CNTN4: variants seen among roughly 807,000 people sequenced by gnomAD.
CNTN4 encodes contactin-4.
In CNTN4, 77 loss-of-function variants were observed where a neutral mutation model predicts 122.5. The ratio of observed to expected loss-of-function variants is 0.63; its 90% confidence interval spans 0.52 to 0.76. The LOEUF is 0.76. Ranked by LOEUF, CNTN4 falls within the 30% of genes least tolerant of loss-of-function variation. CNTN4 has a pLI of 0.00. For missense variants in CNTN4, 1,256 were observed against 1,259.1 expected, an observed-to-expected ratio of 1.00 and a Z score of 0.04; for synonymous variants, 512 against 447.0, an observed-to-expected ratio of 1.15 and a Z score of -1.83.
chr3:2,170,612 G>C (rs1235525598), intron 2 of CNTN4, among the ~76,000 whole-genome samples: 2 of 151,918 alleles, frequency 1.3e-5, no homozygotes, highest in Non-Finnish European at 2.9e-5. Flanking sequence ...TTTGTTTTTT[G>C]CTTAGAATAA....
chr3:2,539,468 A>T (rs1177285110), intron 3 of CNTN4, among the ~76,000 whole-genome samples: 2 of 152,028 alleles, frequency 1.3e-5, no homozygotes, highest in Non-Finnish European at 1.5e-5. Flanking sequence ...CAACTTAACT[A>T]TTTTTTCCTT....
At chr3:2,679,356 C>T (rs1413566583) in intron 4 of CNTN4, among the ~76,000 whole-genome samples, 4 of 151,972 alleles carry the variant, frequency 2.6e-5, no homozygotes, top group South Asian at 2.1e-4. Flanking sequence ...TGTGGCAGCT[C>T]GTACTGAATA....
intron 4 of CNTN4, among the ~76,000 whole-genome samples, chr3:2,634,182 G>A (rs1483568489): frequency 6.6e-6 from 1 of 152,136 alleles, no homozygotes; most frequent in East Asian, 1.9e-4. Context: ...AATGAAAAAT[G>A]TATTAGCTTA....
At chr3:2,829,087 G>A (rs968720686) in intron 7 of CNTN4, among the ~76,000 whole-genome samples, 12 of 152,116 alleles carry the variant, frequency 7.9e-5, no homozygotes, top group African/African-American at 2.7e-4. Context: ...TCTTGACTGT[G>A]TTCCTTTGAA....
chr3:2,863,685 G>T (rs2093694013), intron 7 of CNTN4, among the ~76,000 whole-genome samples: 1 of 151,924 alleles, frequency 6.6e-6, no homozygotes, highest in Admixed American at 6.6e-5. Context: ...GAGCTGTGGG[G>T]GTTAGATGGT....
intron 13 of CNTN4, among the ~76,000 whole-genome samples, chr3:2,975,517 G>A (rs1693339314): frequency 2.0e-5 from 3 of 152,176 alleles, no homozygotes; most frequent in Admixed American, 1.3e-4. Context: ...GCAGCCAACA[G>A]CACCCAATAG....
At chr3:2,313,333 A>G (rs764043707) in intron 2 of CNTN4, among the ~76,000 whole-genome samples, 1 of 152,158 alleles carries the variant, frequency 6.6e-6, no homozygotes, top group Middle Eastern at 3.4e-3. Context: ...TGCAAATTAT[A>G]TAAATTAACT....
intron 4 of CNTN4, among the ~76,000 whole-genome samples, chr3:2,644,572 C>A (rs536842526): frequency 6.6e-6 from 1 of 151,376 alleles, no homozygotes; most frequent in Non-Finnish European, 1.5e-5. Context: ...TTCCTTTTTT[C>A]TGCAAAATAC....
At chr3:2,799,558 G>A (rs532820299) in intron 6 of CNTN4, among the ~76,000 whole-genome samples, 38 of 152,102 alleles carry the variant, frequency 2.5e-4, no homozygotes, top group African/African-American at 8.7e-4. Flanking sequence ...TGCCTCCGGG[G>A]TTCAAGCGAT....
chr3:2,743,912 G>A (rs532856478), intron 5 of CNTN4, among the ~76,000 whole-genome samples: 50 of 152,230 alleles, frequency 3.3e-4, no homozygotes, highest in Non-Finnish European at 6.5e-4. Flanking sequence ...CCAGGTTCAA[G>A]TGGTCCTCCC....
At chr3:2,779,253 GTTTGT>G (rs1458203957) in intron 6 of CNTN4, among the ~76,000 whole-genome samples, 1 of 71,904 alleles carries the variant, frequency 1.4e-5, no homozygotes, top group East Asian at 5.0e-4. Context: ...TGTTTTGTTT[GTTTGT>G]TTGTTTGTTT....
intron 2 of CNTN4, among the ~76,000 whole-genome samples, chr3:2,269,611 A>T (rs1312247783): frequency 2.6e-5 from 4 of 152,228 alleles, no homozygotes; most frequent in Admixed American, 2.6e-4. Flanking sequence ...ATGGTTTGGG[A>T]GACCATGATA....
At chr3:2,509,291 G>A (rs148245353) in intron 3 of CNTN4, among the ~76,000 whole-genome samples, 12 of 152,094 alleles carry the variant, frequency 7.9e-5, no homozygotes, top group African/African-American at 2.7e-4. Context: ...ATAATAATGA[G>A]CCTGATAAAA....
At chr3:2,527,842 A>G (rs746310139) in intron 3 of CNTN4, among the ~76,000 whole-genome samples, 3 of 152,124 alleles carry the variant, frequency 2.0e-5, no homozygotes, top group Admixed American at 6.6e-5. Flanking sequence ...CCACAGTTGG[A>G]TACTTGATCC....
At chr3:2,520,588 T>C (rs1006262198) in intron 3 of CNTN4, among the ~76,000 whole-genome samples, 4 of 152,014 alleles carry the variant, frequency 2.6e-5, no homozygotes, top group Non-Finnish European at 5.9e-5. Context: ...TTTCCTTTTT[T>C]AAAAAAACTT....
chr3:2,431,772 T>C (rs1284169170), intron 3 of CNTN4, among the ~76,000 whole-genome samples: 2 of 152,122 alleles, frequency 1.3e-5, no homozygotes, highest in Non-Finnish European at 2.9e-5. Flanking sequence ...AATTAGAAAA[T>C]CTTACAGTTT....
chr3:2,488,041 C>A lies in CNTN4; in HGVS notation c.-88-83375C>A, dbSNP rs181667713. The stretch of plus-strand genomic sequence containing the variant: ...CTCTTTCCATTGGTGTGTACCTTAC[C>A]AATCAACACCCTCAAAGCAATTAAA... On this transcript the variant is annotated intron_variant, in intron 3 of 24. Transcript: ENST00000418658. 1.9e-3 allele frequency among the ~76,000 whole-genome samples: 291 copies of A among 152,264 alleles called. 1 individual carries two copies. The highest frequency in any genetic ancestry group is 6.7e-3 in the African/African-American group (280 of 41,548).
Position 3,034,797 on chromosome 3 carries a change from T to C in CNTN4, c.1942+7T>C, listed in dbSNP as rs1369143115. On this transcript the variant is annotated splice_region_variant and intron_variant, in intron 17 of 24. Transcript: ENST00000418658. The stretch of plus-strand genomic sequence containing the variant: ...TGGCAAGCAGTCAGTACAGGTACCA[T>C]ATTGGATGCTTGGCTCAGAGACATT... 4 of 1,613,928 alleles carry C rather than the reference T, an allele frequency of 2.5e-6. No homozygotes were observed. Among genetic ancestry groups the C allele is most frequent in the African/African-American group, 2.7e-5 (2 of 75,006 alleles).
At chr3:2,988,179 A>G (rs888551700) in intron 13 of CNTN4, among the ~76,000 whole-genome samples, 166 bp from the exon 14 acceptor site, 1 of 152,216 alleles carries the variant, frequency 6.6e-6, no homozygotes, top group African/African-American at 2.4e-5. Context: ...AATTATGTTT[A>G]TGTATATGTG....
Sources: allele counts gnomAD v4.1 joint callset (sites outside exome capture counted in the v4.1 genomes callset), GRCh38; gene constraint gnomAD v4.1.1; transcripts MANE v1.5; gene names NCBI Gene and HGNC (gene_info 2026-07-23, HGNC 2026-07-21).